XKR6: variants seen among roughly 807,000 people sequenced by gnomAD.
XKR6 encodes the protein XK-related protein 6.
A neutral mutation model predicts 56.7 loss-of-function variants in XKR6; 22 were observed. The observed-to-expected ratio is 0.39, with a 90% CI of 0.28 to 0.55. The LOEUF (loss-of-function observed/expected upper bound fraction) is 0.55, where lower values mean the gene tolerates loss of function less well. Among genes scored for constraint, XKR6 ranks in the 20% least tolerant of loss-of-function variants. The probability of loss-of-function intolerance (pLI) is 0.66; values close to 1 mark genes in which losing one functional copy is unlikely to be tolerated. For synonymous variants in XKR6, 524 were observed against 387.8 expected, an observed-to-expected ratio of 1.35 and a Z score of -4.13; for missense variants, 852 against 889.0, an observed-to-expected ratio of 0.96 and a Z score of 0.53.
intron 1 of XKR6, among the ~76,000 whole-genome samples, chr8:10,929,027 T>C (rs1339176402): frequency 6.6e-6 from 1 of 152,180 alleles, no homozygotes; most frequent in Non-Finnish European, 1.5e-5. Flanking sequence ...TCTGCGGGAA[T>C]GGCCAGTCTT....
At chr8:11,181,929 T>A (rs1159139328) in intron 1 of XKR6, among the ~76,000 whole-genome samples, 2 of 152,124 alleles carry the variant, frequency 1.3e-5, no homozygotes, top group African/African-American at 2.4e-5. Flanking sequence ...CTCAGCTCCC[T>A]GAAACCTCCG....
chr8:11,180,882 G>C (rs1409086725), intron 1 of XKR6, among the ~76,000 whole-genome samples: 1 of 152,192 alleles, frequency 6.6e-6, no homozygotes, highest in African/African-American at 2.4e-5. Context: ...ACTACAGCCT[G>C]AGCAACTGAG....
At chr8:10,912,634 A>AAG (rs1800430509) in intron 2 of XKR6, among the ~76,000 whole-genome samples, 1 of 110,186 alleles carries the variant, frequency 9.1e-6, no homozygotes, top group African/African-American at 3.9e-5. Context: ...TATATATGTA[A>AAG]AGAGAGAAAG....
chr8:10,942,332 A>C (rs1801408536), intron 1 of XKR6, among the ~76,000 whole-genome samples: 1 of 152,242 alleles, frequency 6.6e-6, no homozygotes, highest in African/African-American at 2.4e-5. Flanking sequence ...CCATACATGC[A>C]ACACACAGCT....
At chr8:11,093,323 G>A in intron 1 of XKR6, among the ~76,000 whole-genome samples, 1 of 152,234 alleles carries the variant, frequency 6.6e-6, no homozygotes, top group East Asian at 1.9e-4. Context: ...CCAAAGTGCT[G>A]AGATTTCAGG....
intron 1 of XKR6, among the ~76,000 whole-genome samples, chr8:10,999,226 G>A (rs1798185229): frequency 6.6e-6 from 1 of 152,216 alleles, no homozygotes; most frequent in African/African-American, 2.4e-5. Context: ...CATTGAGAAA[G>A]TGGCAACAAG....
intron 1 of XKR6, among the ~76,000 whole-genome samples, chr8:11,100,009 A>G (rs1798410186): frequency 6.6e-6 from 1 of 152,062 alleles, no homozygotes; most frequent in Non-Finnish European, 1.5e-5. Flanking sequence ...GCTGGGAGGG[A>G]GAGGGGGTGC....
At chr8:11,071,466 TATGAGCCCCGAGTCC>T (rs796388731) in intron 1 of XKR6, among the ~76,000 whole-genome samples, 38,036 of 139,648 alleles carry the variant, frequency 0.27, 6,307 homozygotes, top group African/African-American at 0.41. Context: ...CCTTTAAGTC[TATGAGCCCCGAGTCC>T]ATGAGCCCCG....
In XKR6 at chr8:10,924,495, G is replaced by T; in HGVS notation, c.961+139C>A. 3 of 1,000,028 alleles carry T rather than the reference G, an allele frequency of 3.0e-6. No individual in the cohort carries two copies. In the South Asian group the frequency reaches 4.9e-5, roughly 16 times the overall value. 61.9% of individuals were successfully genotyped at this position (1,000,028 alleles called of 1,614,324 possible). ...TGTGGGCCCCGTCAGCACTGCACTG[G>T]GGGCCGGGCGTCCTGGGGACTCAGG... is the stretch of plus-strand genomic sequence containing the variant. On this transcript the variant is annotated intron_variant, in intron 2 of 2. Transcript: ENST00000416569.
chr8:10,902,798 C>G (rs1258775996), intron 2 of XKR6, among the ~76,000 whole-genome samples: 1 of 152,242 alleles, frequency 6.6e-6, no homozygotes, highest in Non-Finnish European at 1.5e-5. Flanking sequence ...CCTGATGTGC[C>G]TGCCCCTCTC....
chr8:11,107,194 A>ATT (rs562010935), intron 1 of XKR6, among the ~76,000 whole-genome samples: 20 of 144,628 alleles, frequency 1.4e-4, no homozygotes, highest in African/African-American at 4.8e-4. Context: ...CAGGATTCCA[A>ATT]TTTTTTTTTT....
chr8:11,016,276 G>A (rs571962227), intron 1 of XKR6, among the ~76,000 whole-genome samples: 72 of 152,252 alleles, frequency 4.7e-4, no homozygotes, highest in African/African-American at 1.6e-3. Context: ...CCTCTGCCCC[G>A]CGCCCTGGAT....
At chr8:11,079,010 C>A (rs1327367243) in intron 1 of XKR6, among the ~76,000 whole-genome samples, 2 of 152,230 alleles carry the variant, frequency 1.3e-5, no homozygotes, top group Non-Finnish European at 1.5e-5. Context: ...AGGAGCAAGA[C>A]TAGAGGAACA....
In XKR6 at chr8:10,998,710, C is replaced by T. The variant is rs531110879; in HGVS notation, c.765-73880G>A. On this transcript the variant is annotated intron_variant, in intron 1 of 2. Coordinates refer to ENST00000416569, the MANE Select transcript of XKR6 (RefSeq NM_173683.4). ...CACTCACTGCCTCCACTTCTCCCAG[C>T]CAGCTCCATTTCCGCTGGGCTCTCT... Among the ~76,000 whole-genome samples the T allele has an allele frequency of 2.0e-5, 3 of 152,294 alleles. No individual in the cohort carries two copies. The East Asian group carries it at 5.8e-4, about 29-fold the overall frequency.
At chr8:11,196,978 TA>T (rs1803924312) in intron 1 of XKR6, among the ~76,000 whole-genome samples, 3 of 152,056 alleles carry the variant, frequency 2.0e-5, no homozygotes, top group Non-Finnish European at 4.4e-5. Flanking sequence ...GCAGATTTTG[TA>T]GAGAGCTGCA....
intron 1 of XKR6, among the ~76,000 whole-genome samples, chr8:11,035,052 A>G (rs1473804539): frequency 1.3e-5 from 2 of 152,200 alleles, no homozygotes; most frequent in African/African-American, 4.8e-5. Flanking sequence ...ACCCTGGGCC[A>G]GTTACTGATT....
At chr8:11,057,294 C>A (rs1385467756) in intron 1 of XKR6, among the ~76,000 whole-genome samples, 1 of 152,156 alleles carries the variant, frequency 6.6e-6, no homozygotes, top group African/African-American at 2.4e-5. Flanking sequence ...TTATTTATTT[C>A]TGGTATTCTC....
intron 1 of XKR6, among the ~76,000 whole-genome samples, chr8:11,089,881 TATATACTTATTCA>T (rs1487187830): frequency 1.1e-4 from 17 of 152,348 alleles, no homozygotes; most frequent in Non-Finnish European, 1.6e-4. Context: ...TCTTACTAGA[TATATACTTATTCA>T]TATGCACACA....
chr8:11,086,148 A>ATATATATATATATATATATATATATT (rs71203369), intron 1 of XKR6, among the ~76,000 whole-genome samples: 1 of 120,722 alleles, frequency 8.3e-6, no homozygotes, highest in African/African-American at 3.9e-5. Flanking sequence ...ATATATATAT[A>ATATATATATATATATATATATATATT]TTTTTTTTTA....
Sources: gnomAD v4.1 joint callset for allele counts (sites outside exome capture counted in the v4.1 genomes callset) on GRCh38, gnomAD v4.1.1 for gene constraint, MANE v1.5 for transcripts, NCBI Gene and HGNC (gene_info 2026-07-23, HGNC 2026-07-21) for gene names.